Variants in MACROD2 observed in about 807,000 individuals in gnomAD.
The protein encoded by MACROD2 is ADP-ribose glycohydrolase MACROD2.
Under a neutral mutation model 70.4 loss-of-function variants are expected in MACROD2, and 36 were observed. That is an observed-to-expected ratio of 0.51 (90% CI 0.39 to 0.68). MACROD2 has a LOEUF of 0.68. Ranked by LOEUF, MACROD2 falls within the 30% of genes least tolerant of loss-of-function variation. The pLI, the probability that MACROD2 is intolerant of heterozygous loss-of-function variation, is 0.00. For synonymous variants in MACROD2, 172 were observed against 178.8 expected (o/e 0.96, Z 0.30); for missense variants, 496 against 538.4 (o/e 0.92, Z 0.78).
At chr20:15,615,540 C>G (rs2049025403) in intron 8 of MACROD2, among the ~76,000 whole-genome samples, 2 of 152,060 alleles carry the variant, frequency 1.3e-5, no homozygotes, top group South Asian at 4.2e-4. Context: ...ACCCAGAGAT[C>G]ATCTGTGATT....
At chr20:15,039,981 A>G (rs562108508) in intron 5 of MACROD2, among the ~76,000 whole-genome samples, 1 of 152,178 alleles carries the variant, frequency 6.6e-6, no homozygotes, top group East Asian at 1.9e-4. Context: ...TCGACGTTCA[A>G]TTACTTAGTG....
intron 3 of MACROD2, among the ~76,000 whole-genome samples, chr20:14,478,426 T>C (rs1372977227): frequency 6.6e-6 from 1 of 152,254 alleles, no homozygotes; most frequent in Non-Finnish European, 1.5e-5. Flanking sequence ...GGTGTTCCTT[T>C]ATAGGAAATG....
chr20:14,984,080 C>G (rs773269645), intron 5 of MACROD2, among the ~76,000 whole-genome samples: 27 of 152,166 alleles, frequency 1.8e-4, no homozygotes, highest in Non-Finnish European at 3.1e-4. Flanking sequence ...GGGCTGGAAA[C>G]TCTGAATACC....
intron 8 of MACROD2, among the ~76,000 whole-genome samples, chr20:15,778,303 G>T (rs1253904431): frequency 6.6e-6 from 1 of 151,950 alleles, no homozygotes; most frequent in Non-Finnish European, 1.5e-5. Flanking sequence ...GACCACAAAA[G>T]CCAACTTTGT....
At position 15,216,793 on chromosome 20, in the gene MACROD2, G is replaced by C. The variant is rs190379578; in HGVS notation, c.419-13147G>C. On this transcript the variant is annotated intron_variant, in intron 5 of 17. Transcript: ENST00000684519. ...AGCGCTTTTCTCAGAAGACGCCCGT[G>C]AAACTGCTCCTCACATTCTCTGCCC... 3.9e-4 allele frequency among the ~76,000 whole-genome samples: 60 copies of C among 152,256 alleles called. 1 individual carries two copies. The East Asian group carries it at 0.011, about 29-fold the overall frequency.
chr20:15,469,396 T>C (rs1413707514), intron 7 of MACROD2, among the ~76,000 whole-genome samples: 1 of 152,178 alleles, frequency 6.6e-6, no homozygotes, highest in African/African-American at 2.4e-5. Context: ...TACTGGGATG[T>C]GGCTGAACTG....
chr20:14,330,718 G>T (rs1303754459), intron 3 of MACROD2, among the ~76,000 whole-genome samples: 2 of 152,110 alleles, frequency 1.3e-5, no homozygotes, highest in East Asian at 3.9e-4. Flanking sequence ...AGTGCCCACA[G>T]AGGAAAGTTT....
At chr20:14,727,798 TG>T in intron 5 of MACROD2, among the ~76,000 whole-genome samples, 1 of 152,218 alleles carries the variant, frequency 6.6e-6, no homozygotes, top group Non-Finnish European at 1.5e-5. Flanking sequence ...GGATTGCTCC[TG>T]GAAGCTCTTT....
chr20:14,605,657 A>G (rs1982757580), intron 4 of MACROD2, among the ~76,000 whole-genome samples: 1 of 152,100 alleles, frequency 6.6e-6, no homozygotes, highest in Non-Finnish European at 1.5e-5. Context: ...TCACTGTTAA[A>G]GCATTTGTTA....
chr20:15,406,390 C>A (rs964179096), intron 6 of MACROD2, among the ~76,000 whole-genome samples: 12 of 152,198 alleles, frequency 7.9e-5, no homozygotes, highest in African/African-American at 2.7e-4. Context: ...CAAAGCTAAG[C>A]ATGTTACCAG....
chr20:14,762,780 A>C (rs533178135), intron 5 of MACROD2, among the ~76,000 whole-genome samples: 35 of 152,152 alleles, frequency 2.3e-4, no homozygotes, highest in African/African-American at 8.4e-4. Flanking sequence ...AAATGCAAAA[A>C]TTAGCCAGAT....
intron 3 of MACROD2, among the ~76,000 whole-genome samples, chr20:14,258,490 T>C (rs1331305352): frequency 2.0e-5 from 3 of 152,218 alleles, no homozygotes; most frequent in African/African-American, 7.2e-5. Flanking sequence ...TATTTTCATA[T>C]GTTTTTTGGC....
chr20:15,019,876 CG>C lies in MACROD2; in HGVS notation c.419-210063del, dbSNP rs530871743. ...TAGAAAGAGAGAAAGCAAATTTTTACGAACATTTTATTGATGAAATTAAACA... is the reference window on the plus strand; with the variant it reads ...TAGAAAGAGAGAAAGCAAATTTTTACAACATTTTATTGATGAAATTAAACA... On this transcript the variant is annotated intron_variant, in intron 5 of 17. Transcript: ENST00000684519. Among the ~76,000 whole-genome samples the C allele has an allele frequency of 2.0e-5, 3 of 151,910 alleles. No individual in the cohort carries two copies. In the South Asian group the frequency reaches 6.3e-4, roughly 32 times the overall value.
intron 5 of MACROD2, among the ~76,000 whole-genome samples, chr20:14,832,492 C>T (rs1234112369): frequency 6.6e-6 from 1 of 151,970 alleles, no homozygotes; most frequent in East Asian, 1.9e-4. Context: ...ATGCAACCCC[C>T]TCACTGCTGC....
At chr20:14,226,765 C>T (rs891395494) in intron 3 of MACROD2, among the ~76,000 whole-genome samples, 1 of 152,242 alleles carries the variant, frequency 6.6e-6, no homozygotes, top group African/African-American at 2.4e-5. Context: ...TCGGGACCTG[C>T]AGCCCGCCAT....
At chr20:14,897,204 T>C (rs1222965096) in intron 5 of MACROD2, among the ~76,000 whole-genome samples, 2 of 152,180 alleles carry the variant, frequency 1.3e-5, no homozygotes, top group Non-Finnish European at 2.9e-5. Context: ...ATACTTTCTA[T>C]GGACTGACTG....
chr20:15,513,986 CA>C (rs1439633176), intron 8 of MACROD2, among the ~76,000 whole-genome samples: 1 of 151,604 alleles, frequency 6.6e-6, no homozygotes, highest in Non-Finnish European at 1.5e-5. Context: ...ATTTTTGTAA[CA>C]AAAAAGTTTT....
In MACROD2 at chr20:15,681,080, G is replaced by A. The variant is rs150929536; in HGVS notation, c.645+181233G>A. On this transcript the variant is annotated intron_variant, in intron 8 of 17. Transcript: ENST00000684519. Reference sequence around the variant, plus strand: ...GTTTGAAGACGCTCTCAAGTCTTTGGGAATGAAGTGAAAACGTCCACTCCA... The same window carrying A: ...GTTTGAAGACGCTCTCAAGTCTTTGAGAATGAAGTGAAAACGTCCACTCCA... Among the ~76,000 whole-genome samples the A allele has an allele frequency of 5.3e-4, 81 of 152,244 alleles. 1 individual carries two copies. In the East Asian group the frequency reaches 0.015, roughly 28 times the overall value.
rs184154233 is a variant in MACROD2 at position 15,270,064 on chromosome 20, T to C, written c.540+40003T>C. 2.8e-3 allele frequency among the ~76,000 whole-genome samples: 425 copies of C among 152,020 alleles called. 3 individuals are homozygous for C. The highest frequency in any genetic ancestry group is 9.4e-3 in the African/African-American group (388 of 41,450). ...AGTTGGGAGGCACTAATGTGGACTA[T>C]GAACTGGATCATCAGCATGTAGAAC... is the stretch of plus-strand genomic sequence containing the variant. On this transcript the variant is annotated intron_variant, in intron 6 of 17. Coordinates refer to ENST00000684519, the MANE Select transcript of MACROD2 (RefSeq NM_001351661.2).
Sources: gnomAD v4.1 joint callset for allele counts (sites outside exome capture counted in the v4.1 genomes callset) on GRCh38, gnomAD v4.1.1 for gene constraint, MANE v1.5 for transcripts, NCBI Gene and HGNC (gene_info 2026-07-23, HGNC 2026-07-21) for gene names.